PCDHGA4: variants seen among roughly 807,000 people sequenced by gnomAD.
The protein encoded by PCDHGA4 is protocadherin gamma subfamily A, 4, also known as protocadherin gamma-A4.
In PCDHGA4, 38 loss-of-function variants were observed where a neutral mutation model predicts 54.6. The observed-to-expected ratio is 0.70, with a 90% CI of 0.54 to 0.91. PCDHGA4 has a LOEUF of 0.91. PCDHGA4 is among the 40% of genes least tolerant of loss of function. The pLI, the probability that PCDHGA4 is intolerant of heterozygous loss-of-function variation, is 0.00. For missense variants in PCDHGA4, 1,298 were observed against 1,220.9 expected, an observed-to-expected ratio of 1.06 and a Z score of -0.94; for synonymous variants, 511 against 512.9, an observed-to-expected ratio of 1.00 and a Z score of 0.05.
intron 1 of PCDHGA4, chr5:141,484,889 T>C (rs2099602721): frequency 2.8e-6 from 1 of 363,070 alleles, no homozygotes. Flanking sequence ...GTGGGCTTTT[T>C]CCCCTCCAAT....
chr5:141,395,124 C>T, intron 1 of PCDHGA4: 2 of 1,614,194 alleles, frequency 1.2e-6, no homozygotes, highest in Non-Finnish European at 1.7e-6. Context: ...CCTGATCTTT[C>T]CCCAGCCCAA....
chr5:141,487,643 C>T lies in PCDHGA4; in HGVS notation c.2515-7164C>T. 1.2e-6 allele frequency: 2 copies of T among 1,614,104 alleles called. No homozygotes were observed. The highest frequency in any genetic ancestry group is 1.7e-6 in the Non-Finnish European group (2 of 1,179,986). Reference sequence around the variant, plus strand: ...GAGACCTTTGCAGGCTCAACAAATGCTTGAGGGTTATTCTGATCCAGGCAT... The same window carrying T: ...GAGACCTTTGCAGGCTCAACAAATGTTTGAGGGTTATTCTGATCCAGGCAT... On this transcript the variant is annotated intron_variant, in intron 1 of 3. Transcript: ENST00000571252. The surrounding 1 kb of genome is among the most constrained non-coding windows in gnomAD (Gnocchi z 5.0).
intron 1 of PCDHGA4, among the ~76,000 whole-genome samples, chr5:141,466,180 AT>A (rs922532578): frequency 6.6e-6 from 1 of 151,138 alleles, no homozygotes; most frequent in Admixed American, 6.6e-5. Context: ...TTTTATTTTT[AT>A]TTTTTTTCAG....
intron 1 of PCDHGA4, among the ~76,000 whole-genome samples, chr5:141,437,450 G>A (rs2097885331): frequency 6.6e-6 from 1 of 152,148 alleles, no homozygotes; most frequent in Non-Finnish European, 1.5e-5. Context: ...GAATGTTGAG[G>A]AGACTATACT....
At chr5:141,399,519 G>T (rs1467117930) in intron 1 of PCDHGA4, 14 of 1,613,918 alleles carry the variant, frequency 8.7e-6, no homozygotes, top group Non-Finnish European at 1.2e-5. Context: ...ACCCTCCTGG[G>T]GCCTCCATCG....
At chr5:141,358,825 T>C (rs1761033525) in intron 1 of PCDHGA4, among the ~76,000 whole-genome samples, 1 of 152,232 alleles carries the variant, frequency 6.6e-6, no homozygotes, top group Non-Finnish European at 1.5e-5. Flanking sequence ...CTTAGTAAGG[T>C]GGCCTCATCC....
intron 1 of PCDHGA4, chr5:141,398,645 C>T (rs932721053): frequency 6.2e-7 from 1 of 1,613,936 alleles, no homozygotes; most frequent in African/African-American, 1.3e-5. Flanking sequence ...TATAAACTCT[C>T]TCTTAACCCA....
chr5:141,420,099 C>T (rs750814136), intron 1 of PCDHGA4: 4 of 1,613,996 alleles, frequency 2.5e-6, no homozygotes, highest in South Asian at 2.2e-5. Flanking sequence ...AGTGAGGGAA[C>T]GTTGCCCTAT....
chr5:141,427,915 T>C lies in PCDHGA4; in HGVS notation c.2515-66892T>C, dbSNP rs779333176. ...GGCTCGCCCGCGCTCAGCGCCAACATGAGCCGGCGCATGTTGGTGGGCGAC... is the reference window on the plus strand; with the variant it reads ...GGCTCGCCCGCGCTCAGCGCCAACACGAGCCGGCGCATGTTGGTGGGCGAC... On this transcript the variant is annotated intron_variant, in intron 1 of 3. Transcript: ENST00000571252. The C allele has an allele frequency of 7.0e-6, 11 of 1,578,094 alleles. No individual in the cohort carries two copies. In the Admixed American group the frequency reaches 8.4e-5, roughly 12 times the overall value.
chr5:141,398,980 G>A (rs772840804), intron 1 of PCDHGA4: 3 of 1,613,860 alleles, frequency 1.9e-6, no homozygotes, highest in South Asian at 2.2e-5. Flanking sequence ...CTACAGAACC[G>A]GGCAAATCTT....
At chr5:141,413,333 C>T in intron 1 of PCDHGA4, 1 of 1,613,966 alleles carries the variant, frequency 6.2e-7, no homozygotes, top group Non-Finnish European at 8.5e-7. Context: ...GGCAACATCT[C>T]CAAGGACTTG....
intron 1 of PCDHGA4, chr5:141,374,366 C>T: frequency 6.2e-7 from 1 of 1,614,052 alleles, no homozygotes; most frequent in Non-Finnish European, 8.5e-7. Flanking sequence ...CCGCGAGGAG[C>T]TCTGTGCTCA....
chr5:141,488,054 A>G (rs1255295788), intron 1 of PCDHGA4, among the ~76,000 whole-genome samples: 1 of 152,206 alleles, frequency 6.6e-6, no homozygotes, highest in Admixed American at 6.5e-5. Flanking sequence ...TTGAGGGGAA[A>G]TAAAATCTTT....
At chr5:141,376,367 G>A in intron 1 of PCDHGA4, 1 of 1,614,224 alleles carries the variant, frequency 6.2e-7, no homozygotes, top group Non-Finnish European at 8.5e-7. Context: ...ACTCACTGCA[G>A]ACTCGCGTAA....
intron 1 of PCDHGA4, chr5:141,360,898 G>T: frequency 6.2e-7 from 1 of 1,614,040 alleles, no homozygotes; most frequent in South Asian, 1.1e-5. Context: ...GAGGGAGGAC[G>T]TGCCGCCGGG....
intron 1 of PCDHGA4, chr5:141,408,368 C>T: frequency 3.1e-6 from 5 of 1,613,992 alleles, no homozygotes; most frequent in Non-Finnish European, 4.2e-6. Context: ...GGATCTAGGG[C>T]TCAGTGTCCT....
intron 1 of PCDHGA4, among the ~76,000 whole-genome samples, chr5:141,368,532 G>A (rs768576370): frequency 6.6e-6 from 1 of 152,082 alleles, no homozygotes; most frequent in Non-Finnish European, 1.5e-5. Context: ...GTGAAAACTT[G>A]CTTTTCCATT....
At chr5:141,376,223 C>A in intron 1 of PCDHGA4, 3 of 1,614,202 alleles carry the variant, frequency 1.9e-6, no homozygotes, top group Non-Finnish European at 2.5e-6. Context: ...GCTGCTGGCG[C>A]TCAGACTGCA....
intron 1 of PCDHGA4, chr5:141,394,856 G>T (rs1008039711): frequency 1.2e-6 from 2 of 1,613,674 alleles, no homozygotes; most frequent in African/African-American, 2.7e-5. Context: ...TGAAGCCTTC[G>T]GTCGACCCGA....
Sources: gnomAD v4.1 joint callset for allele counts (sites outside exome capture counted in the v4.1 genomes callset) on GRCh38, gnomAD v4.1.1 for gene constraint, Gnocchi (gnomAD v3.1) non-coding constraint, MANE v1.5 for transcripts, NCBI Gene and HGNC (gene_info 2026-07-23, HGNC 2026-07-21) for gene names.